Variants in JAKMIP1 observed in about 807,000 individuals in gnomAD.
JAKMIP1 encodes janus kinase and microtubule interacting protein 1, also known as janus kinase and microtubule-interacting protein 1.
In JAKMIP1, 33 loss-of-function variants were observed where a neutral mutation model predicts 113.0. That is an observed-to-expected ratio of 0.29 (90% CI 0.22 to 0.39). JAKMIP1 has a LOEUF of 0.39. Among genes scored for constraint, JAKMIP1 ranks in the 10% least tolerant of loss-of-function variants. The probability of loss-of-function intolerance (pLI) is 1.00; values close to 1 mark genes in which losing one functional copy is unlikely to be tolerated. For synonymous variants in JAKMIP1, 480 were observed against 459.9 expected (o/e 1.04, Z -0.56); for missense variants, 813 against 1,080.5 (o/e 0.75, Z 3.47).
chr4:6,099,523 T>C (rs1244760883), intron 3 of JAKMIP1, among the ~76,000 whole-genome samples: 1 of 152,196 alleles, frequency 6.6e-6, no homozygotes, highest in Non-Finnish European at 1.5e-5. Context: ...TTCTAGATTG[T>C]TTTATGCATT....
intron 9 of JAKMIP1, 115 bp from the exon 10 acceptor site, chr4:6,062,555 AG>A: frequency 9.0e-7 from 1 of 1,110,026 alleles, no homozygotes; most frequent in Admixed American, 2.2e-5. Flanking sequence ...TTTGAGTGCC[AG>A]GGTCAACTTA....
intron 1 of JAKMIP1, among the ~76,000 whole-genome samples, chr4:6,127,503 C>T (rs1355381733): frequency 6.6e-6 from 1 of 152,222 alleles, no homozygotes; most frequent in Non-Finnish European, 1.5e-5. Flanking sequence ...TTGTCAGCCT[C>T]AGGCTCCCTG....
Position 6,130,312 on chromosome 4 carries a change from A to G in JAKMIP1, c.-147-17315T>C, listed in dbSNP as rs1455337341. Among the ~76,000 whole-genome samples the G allele has an allele frequency of 2.6e-5, 4 of 152,276 alleles. No individual in the cohort carries two copies. In the East Asian group the frequency reaches 7.7e-4, roughly 29 times the overall value. ...CTCCCGTCTAAATAAGGCAAGTTAA[A>G]CAGAATGCAAATCAAGAACTTTTCT... On this transcript the variant is annotated intron_variant, in intron 1 of 20. Transcript: ENST00000409021.
chr4:6,058,453 C>T (rs544038606), intron 11 of JAKMIP1, among the ~76,000 whole-genome samples: 5 of 152,324 alleles, frequency 3.3e-5, no homozygotes, highest in South Asian at 2.1e-4. Flanking sequence ...TGTCCCAGCT[C>T]GCAGCTTATG....
At chr4:6,128,232 G>A (rs1254909810) in intron 1 of JAKMIP1, among the ~76,000 whole-genome samples, 1 of 152,212 alleles carries the variant, frequency 6.6e-6, no homozygotes, top group Non-Finnish European at 1.5e-5. Flanking sequence ...TCTCTGAGTT[G>A]TCTGGGCCTC....
chr4:6,165,731 C>T (rs1049410760), intron 1 of JAKMIP1, among the ~76,000 whole-genome samples: 39 of 152,256 alleles, frequency 2.6e-4, no homozygotes, highest in Admixed American at 2.4e-3. Flanking sequence ...TCATGTGACT[C>T]GCTTTATTGC....
At chr4:6,115,690 A>C (rs552985384) in intron 1 of JAKMIP1, among the ~76,000 whole-genome samples, 2 of 152,332 alleles carry the variant, frequency 1.3e-5, no homozygotes, top group East Asian at 3.9e-4. Flanking sequence ...TTTTAAGAGG[A>C]AACAGTGCAG....
At chr4:6,070,168 C>T (rs3889723) in intron 8 of JAKMIP1, 205,210 of 398,386 alleles carry the variant, frequency 0.52, 59,374 homozygotes, top group Non-Finnish European at 0.63. Context: ...TCCATGGTGG[C>T]GTGAAGCTGC....
At chr4:6,117,324 G>A (rs1257528949) in intron 1 of JAKMIP1, among the ~76,000 whole-genome samples, 6 of 152,158 alleles carry the variant, frequency 3.9e-5, no homozygotes, top group Non-Finnish European at 8.8e-5. Context: ...TGGGCGTCCG[G>A]GGGAGACATC....
chr4:6,102,383 G>C (rs1442937179), intron 3 of JAKMIP1, among the ~76,000 whole-genome samples: 5 of 152,160 alleles, frequency 3.3e-5, no homozygotes, highest in African/African-American at 1.2e-4. Context: ...ATGAAGTCAT[G>C]AGGGCAAAGC....
chr4:6,087,849 T>C (rs757850470), intron 3 of JAKMIP1, among the ~76,000 whole-genome samples: 11 of 152,140 alleles, frequency 7.2e-5, no homozygotes, highest in Non-Finnish European at 1.6e-4. Flanking sequence ...TCCATGCAGT[T>C]TCTCCTAAGC....
chr4:6,068,104 A>G (rs1718430532), intron 8 of JAKMIP1, among the ~76,000 whole-genome samples: 1 of 152,214 alleles, frequency 6.6e-6, no homozygotes, highest in South Asian at 2.1e-4. Context: ...TCCACTGTGA[A>G]GGCTCTGCAG....
At chr4:6,159,248 G>A (rs151237981) in intron 1 of JAKMIP1, among the ~76,000 whole-genome samples, 43 of 151,516 alleles carry the variant, frequency 2.8e-4, no homozygotes, top group African/African-American at 1.0e-3. Flanking sequence ...TTCTCATGTG[G>A]ATTACAAATT....
chr4:6,118,874 A>C (rs563390154), intron 1 of JAKMIP1, among the ~76,000 whole-genome samples: 1 of 152,328 alleles, frequency 6.6e-6, no homozygotes, highest in Non-Finnish European at 1.5e-5. Flanking sequence ...ATTAGGAAAA[A>C]GCATCTTTGA....
Position 6,075,334 on chromosome 4 carries a change from G to A in JAKMIP1, c.1302+3605C>T, listed in dbSNP as rs576931847. On this transcript the variant is annotated intron_variant, in intron 8 of 20. Transcript: ENST00000409021. ...CTGAATGCCTGTGGCCTGTGGTAGA[G>A]AAGAAAGAGAAGCTTCTTAGGCCTA... Among the ~76,000 whole-genome samples the A allele has an allele frequency of 3.6e-4, 55 of 152,242 alleles. 1 individual carries two copies. Among genetic ancestry groups the A allele is most frequent in the African/African-American group, 1.3e-3 (54 of 41,552 alleles).
chr4:6,119,000 C>A (rs1716287409), intron 1 of JAKMIP1, among the ~76,000 whole-genome samples: 1 of 152,160 alleles, frequency 6.6e-6, no homozygotes, highest in African/African-American at 2.4e-5. Flanking sequence ...AGAGGAGAAG[C>A]CCAAGCGAAG....
At chr4:6,084,320 A>C (rs74726188) in intron 5 of JAKMIP1, among the ~76,000 whole-genome samples, 1 of 31,798 alleles carries the variant, frequency 3.1e-5, no homozygotes, top group Non-Finnish European at 7.8e-5. Context: ...CTTTATCTCA[A>C]AAAAAAAAAA....
Position 6,176,256 on chromosome 4 carries a change from A to T in JAKMIP1, c.-148+23997T>A, listed in dbSNP as rs915487921. ...TCATACGTTTCAGACCAGCTGCTCCAGAGTCAACATGGAGGACTGCCTGGC... is the reference window on the plus strand; with the variant it reads ...TCATACGTTTCAGACCAGCTGCTCCTGAGTCAACATGGAGGACTGCCTGGC... On this transcript the variant is annotated intron_variant, in intron 1 of 20. Transcript: ENST00000409021. The surrounding 1 kb of genome is among the most constrained non-coding windows in gnomAD (Gnocchi z 5.5). Among the ~76,000 whole-genome samples, 9 of 152,318 alleles carry T rather than the reference A, an allele frequency of 5.9e-5. No homozygotes were observed. Among genetic ancestry groups the T allele is most frequent in the African/African-American group, 2.2e-4 (9 of 41,580 alleles).
chr4:6,065,126 C>T lies in JAKMIP1; in HGVS notation c.1303-118G>A. ...ATGATTGACATTTGGGCCACTGGGG[C>T]ATCACAAGATGCGGTTGGTGGGCTT... On this transcript the variant is annotated intron_variant, in intron 8 of 20. Transcript: ENST00000409021. The surrounding 1 kb of genome is among the most constrained non-coding windows in gnomAD (Gnocchi z 5.1). 3 of 1,273,306 alleles carry T rather than the reference C, an allele frequency of 2.4e-6. No individual in the cohort carries two copies. Among genetic ancestry groups the T allele is most frequent in the Non-Finnish European group, 3.4e-6 (3 of 890,766 alleles). The allele number at this position is 1,273,306 out of a possible 1,614,324, so 78.9% of individuals were successfully genotyped here.
Sources: allele counts gnomAD v4.1 joint callset (sites outside exome capture counted in the v4.1 genomes callset), GRCh38; gene constraint gnomAD v4.1.1; non-coding constraint Gnocchi (gnomAD v3.1); transcripts MANE v1.5; gene names NCBI Gene and HGNC (gene_info 2026-07-23, HGNC 2026-07-21).